Variants in POU3F3 observed in about 807,000 individuals in gnomAD.
POU3F3 encodes the protein POU domain, class 3, transcription factor 3.
In POU3F3, 1 loss-of-function variant was observed where a neutral mutation model predicts 8.6. That is an observed-to-expected ratio of 0.12 (90% CI 0.04 to 0.55). POU3F3 has a LOEUF of 0.55. POU3F3 is among the 20% of genes least tolerant of loss of function. The pLI is 0.91. For missense variants in POU3F3, 577 were observed against 690.7 expected (o/e 0.84, Z 1.84); for synonymous variants, 418 against 327.4 (o/e 1.28, Z -2.99).
At chr2:104,896,724 G>A in the POU3F3 span, among the ~76,000 whole-genome samples, 20 of 152,248 alleles carry the variant, frequency 1.3e-4, no homozygotes, top group East Asian at 1.2e-3. Flanking sequence ...TCATTCTCTC[G>A]TCGAACCTTG....
At chr2:104,927,111 A>G in the POU3F3 span, among the ~76,000 whole-genome samples, 1 of 152,186 alleles carries the variant, frequency 6.6e-6, no homozygotes, top group Non-Finnish European at 1.5e-5. Flanking sequence ...ATGTATATGT[A>G]TATATAGTCC....
At chr2:104,891,020 C>T in the POU3F3 span, among the ~76,000 whole-genome samples, 17 of 152,288 alleles carry the variant, frequency 1.1e-4, no homozygotes, top group African/African-American at 3.9e-4. Flanking sequence ...CAGCCCTGAG[C>T]GAGTTCCCTC....
chr2:104,892,090 A>G, the POU3F3 span, among the ~76,000 whole-genome samples: 1 of 152,230 alleles, frequency 6.6e-6, no homozygotes. Context: ...ACAGTGCCTG[A>G]GAGGGAGACC....
the POU3F3 span, among the ~76,000 whole-genome samples, chr2:104,876,924 G>C: frequency 6.6e-6 from 1 of 152,144 alleles, no homozygotes; most frequent in African/African-American, 2.4e-5. Flanking sequence ...AAGGGGATTG[G>C]GAACACCCAG....
chr2:104,856,139 C>T lies in POU3F3; in HGVS notation c.629C>T (p.Ala210Val). The T allele has an allele frequency of 8.2e-7, 1 of 1,213,650 alleles. No homozygotes were observed. 75.2% of individuals were successfully genotyped at this position (1,213,650 alleles called of 1,614,324 possible). Residue 210 changes from alanine (A) to valine (V), a missense_variant, in exon 1 of 1, where the codon GCC (alanine) becomes GTC (valine). By Grantham distance (64) the Ala-to-Val change is moderately conservative. This residue lies in a region of POU3F3 where 484 missense variants were observed against 422.6 expected (regional missense o/e 1.15). Coordinates refer to ENST00000361360, the MANE Select transcript of POU3F3 (RefSeq NM_006236.3). ...GCCGCCGCGCACCTCCCGTCCATGG[C>T]CGGGGGCCAGCAGCCGCCGCCGCAG... is the stretch of plus-strand genomic sequence containing the variant. The part of the protein sequence containing the change: ...AAAAAHLPSM[A>V]GGQQPPPQSL...
At chr2:104,859,099 C>G (rs1243121063), downstream of POU3F3, among the ~76,000 whole-genome samples, 1 of 150,576 alleles carries the variant, frequency 6.6e-6, no homozygotes, top group Admixed American at 6.6e-5. Flanking sequence ...CCATCAATAA[C>G]TATATGTAAT....
chr2:104,912,468 G>C, the POU3F3 span, among the ~76,000 whole-genome samples: 1 of 152,154 alleles, frequency 6.6e-6, no homozygotes, highest in Non-Finnish European at 1.5e-5. Context: ...GCCCCCACAG[G>C]AGTTACTAAC....
the POU3F3 span, among the ~76,000 whole-genome samples, chr2:104,864,553 A>G: frequency 6.6e-6 from 1 of 152,216 alleles, no homozygotes; most frequent in Non-Finnish European, 1.5e-5. Context: ...TTTTCCAGTA[A>G]AACATACATA....
At chr2:104,914,544 T>A in the POU3F3 span, among the ~76,000 whole-genome samples, 1 of 152,214 alleles carries the variant, frequency 6.6e-6, no homozygotes, top group Non-Finnish European at 1.5e-5. Flanking sequence ...ACCTGATGTC[T>A]TTAAAGTATT....
Position 104,855,556 on chromosome 2 carries a change from C to T in POU3F3, c.46C>T (p.Leu16Phe). Residue 16 changes from leucine (L) to phenylalanine (F), a missense_variant, in exon 1 of 1, where the codon CTC becomes TTC. By Grantham distance (22) the Leu-to-Phe change is conservative. Around this residue, in one of 7 missense-constraint regions of POU3F3, gnomAD observed 484 missense variants for 422.6 expected, o/e 1.15. Coordinates refer to ENST00000361360, the MANE Select transcript of POU3F3 (RefSeq NM_006236.3). ...CCCCTACCTGCCGGGGAACAGCCTG[C>T]TCGCGGCCGGCTCTATTGTGCACTC... ...SNPYLPGNSL[L>F]AAGSIVHSDA... is the part of the protein sequence containing the mutation. 1 of 1,041,144 alleles carries T rather than the reference C, an allele frequency of 9.6e-7. No homozygotes were observed. The highest frequency in any genetic ancestry group is 1.2e-6 in the Non-Finnish European group (1 of 863,904). 64.5% of individuals were successfully genotyped at this position (1,041,144 alleles called of 1,614,324 possible). A position where few individuals can be genotyped will look rare whatever the true frequency, so the allele number is the denominator to read the frequency against.
chr2:104,920,785 G>C, the POU3F3 span, among the ~76,000 whole-genome samples: 1 of 152,178 alleles, frequency 6.6e-6, no homozygotes, highest in South Asian at 2.1e-4. Context: ...GACATAAATA[G>C]GCATTCATTC....
At chr2:104,927,012 G>A in the POU3F3 span, among the ~76,000 whole-genome samples, 1 of 152,128 alleles carries the variant, frequency 6.6e-6, no homozygotes, top group African/African-American at 2.4e-5. Context: ...TAGATGATGG[G>A]TGGATGGGCG....
At chr2:104,891,317 A>G in the POU3F3 span, among the ~76,000 whole-genome samples, 8 of 152,156 alleles carry the variant, frequency 5.3e-5, no homozygotes, top group African/African-American at 1.9e-4. Context: ...TTTTATTACT[A>G]CACAACATAC....
At chr2:104,879,833 T>A in the POU3F3 span, among the ~76,000 whole-genome samples, 1 of 152,176 alleles carries the variant, frequency 6.6e-6, no homozygotes, top group African/African-American at 2.4e-5. Flanking sequence ...GTGTGGGGTG[T>A]CTTCCTGCAG....
chr2:104,880,126 C>T, the POU3F3 span, among the ~76,000 whole-genome samples: 3 of 152,264 alleles, frequency 2.0e-5, no homozygotes, highest in African/African-American at 7.2e-5. Flanking sequence ...CTTTCTCCTT[C>T]ATGTGGTTCA....
the POU3F3 span, among the ~76,000 whole-genome samples, chr2:104,864,300 G>A: frequency 6.6e-6 from 1 of 152,194 alleles, no homozygotes; most frequent in Non-Finnish European, 1.5e-5. Flanking sequence ...CGGGACAAAG[G>A]CGAAACCCCA....
rs1343389637 is a variant in POU3F3, at chr2:104,855,090, G to C, written c.-421G>C. On this transcript the variant is annotated 5_prime_UTR_variant, in exon 1 of 1. Coordinates refer to ENST00000361360, the MANE Select transcript of POU3F3 (RefSeq NM_006236.3). ...AGTGCAGGTCCCCGCCCCGCCCGGC[G>C]AGCCCCGCTGGAGCGAGCCCAGCGC... Among the ~76,000 whole-genome samples, 1 of 151,852 alleles carries C rather than the reference G, an allele frequency of 6.6e-6. No individual in the cohort carries two copies. The highest frequency in any genetic ancestry group is 2.0e-4 in the East Asian group (1 of 5,126).
At position 104,856,803 on chromosome 2, in the gene POU3F3, C is replaced by T. The variant is rs1676575010; in HGVS notation, c.1293C>T (p.Pro431=). The part of the protein sequence containing the change: ...LESHFLKCPK[P]SAQEITNLAD... Reference sequence around the variant, plus strand: ...GCCACTTCCTCAAGTGCCCCAAGCCCTCCGCGCAGGAGATCACCAACCTGG... The same window carrying T: ...GCCACTTCCTCAAGTGCCCCAAGCCTTCCGCGCAGGAGATCACCAACCTGG... Residue 431 remains proline, a synonymous_variant, in exon 1 of 1, where the codon CCC becomes CCT. Coordinates refer to ENST00000361360, the MANE Select transcript of POU3F3 (RefSeq NM_006236.3). The T allele has an allele frequency of 2.5e-6, 4 of 1,614,110 alleles. No homozygotes were observed. The African/African-American group carries it at 4.0e-5, about 16-fold the overall frequency.
At chr2:104,881,200 C>T in the POU3F3 span, among the ~76,000 whole-genome samples, 1 of 131,496 alleles carries the variant, frequency 7.6e-6, no homozygotes, top group African/African-American at 2.8e-5. Flanking sequence ...TCTCTGTTGC[C>T]CAGGCTGGAG....
Sources: allele counts gnomAD v4.1 joint callset (sites outside exome capture counted in the v4.1 genomes callset), GRCh38; gene constraint gnomAD v4.1.1; regional missense constraint gnomAD v4.1.1; transcripts MANE v1.5; gene names NCBI Gene and HGNC (gene_info 2026-07-23, HGNC 2026-07-21).